PCDHGA6: variants seen among roughly 807,000 people sequenced by gnomAD.
The protein encoded by PCDHGA6 is protocadherin gamma-A6.
PCDHGA6 carries 41 observed loss-of-function variants against 60.6 expected under a neutral mutation model. That is an observed-to-expected ratio of 0.68 (90% CI 0.53 to 0.88). The LOEUF is 0.88. Ranked by LOEUF, PCDHGA6 falls within the 40% of genes least tolerant of loss-of-function variation. The probability of loss-of-function intolerance (pLI) is 0.00; values close to 1 mark genes in which losing one functional copy is unlikely to be tolerated. For synonymous variants in PCDHGA6, 594 were observed against 524.4 expected (o/e 1.13, Z -1.81); for missense variants, 1,312 against 1,203.0 (o/e 1.09, Z -1.34).
Position 141,489,714 on chromosome 5 carries a change from G to C in PCDHGA6, c.2425-5093G>C, listed in dbSNP as rs770143357. On this transcript the variant is annotated intron_variant, in intron 1 of 3. Coordinates refer to ENST00000517434, the MANE Select transcript of PCDHGA6 (RefSeq NM_018919.3). The surrounding 1 kb of genome is among the most constrained non-coding windows in gnomAD (Gnocchi z 4.5). Reference sequence around the variant, plus strand: ...CACGATTCCCACTGGACAGTGCCCAGGATCCGGATGTGGGCACCAATACTG... The same window carrying C: ...CACGATTCCCACTGGACAGTGCCCACGATCCGGATGTGGGCACCAATACTG... 7.4e-6 allele frequency: 12 copies of C among 1,613,958 alleles called. No individual in the cohort carries two copies. The highest frequency in any genetic ancestry group is 1.0e-5 in the Non-Finnish European group (12 of 1,179,930).
At position 141,375,214 on chromosome 5, in the gene PCDHGA6, C is replaced by T. The variant is rs750367246; in HGVS notation, c.1131C>T (p.Gly377=). 2 of 1,613,928 alleles carry T rather than the reference C, an allele frequency of 1.2e-6. No individual in the cohort carries two copies. Among genetic ancestry groups the T allele is most frequent in the Non-Finnish European group, 1.7e-6 (2 of 1,179,892 alleles). Residue 377 remains glycine, a synonymous_variant, in exon 1 of 4, where the codon GGC becomes GGT. Transcript: ENST00000517434. The part of the protein sequence containing the change: ...ALFQVFDRDS[G]LNGLVTCSIP... ...TTCAAGTGTTCGATCGAGACTCTGG[C>T]CTGAATGGCCTGGTAACCTGTTCCA...
At chr5:141,460,177 T>C (rs1021646181) in intron 1 of PCDHGA6, among the ~76,000 whole-genome samples, 13 of 152,138 alleles carry the variant, frequency 8.5e-5, no homozygotes, top group African/African-American at 3.1e-4. Context: ...TTGTGGATAT[T>C]TTATCCCAGA....
intron 1 of PCDHGA6, chr5:141,399,317 C>T (rs368407532): frequency 2.0e-5 from 33 of 1,613,814 alleles, no homozygotes; most frequent in Non-Finnish European, 2.8e-5. Flanking sequence ...TCCAAAAATT[C>T]GTATAAGTTG....
At position 141,409,990 on chromosome 5, in the gene PCDHGA6, C is replaced by G. The variant is rs377295503; in HGVS notation, c.2424+33483C>G. On this transcript the variant is annotated intron_variant, in intron 1 of 3. Transcript: ENST00000517434. The stretch of plus-strand genomic sequence containing the variant: ...TGACTAAGGTGGTAGCGGTGGACGC[C>G]GACTCGGGACACAACGCCTGGCTGT... 2.7e-5 allele frequency: 44 copies of G among 1,613,278 alleles called. No homozygotes were observed. The African/African-American group carries it at 5.3e-4, about 20-fold the overall frequency.
rs371245499 is a variant in PCDHGA6 at position 141,399,811 on chromosome 5, G to T, written c.2424+23304G>T. 1.0e-4 allele frequency: 169 copies of T among 1,613,100 alleles called. No homozygotes were observed. The highest frequency in any genetic ancestry group is 1.4e-4 in the Non-Finnish European group (163 of 1,179,762). ...CAACGCACCGCGGGTGCTGTACCCC[G>T]CGCTGGGTCCCGACGGCTCTGCGCT... On this transcript the variant is annotated intron_variant, in intron 1 of 3. Coordinates refer to ENST00000517434, the MANE Select transcript of PCDHGA6 (RefSeq NM_018919.3).
rs115340023 is a variant in PCDHGA6 at position 141,387,818 on chromosome 5, G to T, written c.2424+11311G>T. 2,906 of 1,551,554 alleles carry T rather than the reference G, an allele frequency of 1.9e-3. 45 individuals carry two copies. The African/African-American group carries it at 0.028, about 15-fold the overall frequency. ...AGTCCGTTCGGAGATCCAAAAATCT[G>T]CAATACAGAGGTTATTTGTAACCCG... On this transcript the variant is annotated intron_variant, in intron 1 of 3. Transcript: ENST00000517434.
chr5:141,466,969 C>T (rs2099133068), intron 1 of PCDHGA6, among the ~76,000 whole-genome samples: 1 of 152,068 alleles, frequency 6.6e-6, no homozygotes, highest in African/African-American at 2.4e-5. Flanking sequence ...TATTTTCTCA[C>T]AGCTCATCAT....
Position 141,476,657 on chromosome 5 carries a change from G to A in PCDHGA6, c.2425-18150G>A, listed in dbSNP as rs759887729. On this transcript the variant is annotated intron_variant, in intron 1 of 3. Coordinates refer to ENST00000517434, the MANE Select transcript of PCDHGA6 (RefSeq NM_018919.3). This position sits in a 1 kb window ranked among gnomAD's most constrained non-coding sequence, Gnocchi z 7.6. ...TGAGCTGAGCCGAAATGAATACTTTGCGCTTCGCGTGCAGACGCGGGAGGA... is the reference window on the plus strand; with the variant it reads ...TGAGCTGAGCCGAAATGAATACTTTACGCTTCGCGTGCAGACGCGGGAGGA... 1.9e-6 allele frequency: 3 copies of A among 1,614,140 alleles called. No homozygotes were observed. Among genetic ancestry groups the A allele is most frequent in the Non-Finnish European group, 2.5e-6 (3 of 1,180,060 alleles).
Position 141,490,705 on chromosome 5 carries a change from C to T in PCDHGA6, c.2425-4102C>T. 1 of 1,614,194 alleles carries T rather than the reference C, an allele frequency of 6.2e-7. No individual in the cohort carries two copies. Among genetic ancestry groups the T allele is most frequent in the South Asian group, 1.1e-5 (1 of 91,082 alleles). On this transcript the variant is annotated intron_variant, in intron 1 of 3. Coordinates refer to ENST00000517434, the MANE Select transcript of PCDHGA6 (RefSeq NM_018919.3). This position sits in a 1 kb window ranked among gnomAD's most constrained non-coding sequence, Gnocchi z 5.4. ...TCCAGACACTGGGGATAATGCCCGC[C>T]TCACCTACTCCATTGTAGGAAATCA...
At chr5:141,394,140 G>T (rs2092926485) in intron 1 of PCDHGA6, 1 of 1,613,868 alleles carries the variant, frequency 6.2e-7, no homozygotes, top group Non-Finnish European at 8.5e-7. Flanking sequence ...TCTGCACGTG[G>T]CAGACATTAA....
chr5:141,374,174 A>T lies in PCDHGA6; in HGVS notation c.91A>T (p.Ile31Phe). ...GTLWGAAAAQ[I>F]RYSIPEELEK... is the part of the protein sequence containing the mutation. ...GCTGTGGGGGGCCGCGGCAGCGCAG[A>T]TCCGCTACTCTATTCCCGAGGAGCT... is the stretch of plus-strand genomic sequence containing the variant. The change falls in exon 1 of 4, where the codon ATC becomes TTC. Residue 31 changes from isoleucine to phenylalanine, a missense_variant. By Grantham distance (21) the Ile-to-Phe change is conservative. Transcript: ENST00000517434. 6.2e-7 allele frequency: 1 copy of T among 1,613,482 alleles called. No individual in the cohort carries two copies. The highest frequency in any genetic ancestry group is 1.1e-5 in the South Asian group (1 of 91,082).
rs1317699369 is a variant in PCDHGA6 at position 141,477,408 on chromosome 5, A to G, written c.2425-17399A>G. The G allele has an allele frequency of 6.2e-7, 1 of 1,614,098 alleles. No homozygotes were observed. ...TACAACCTCAGCATCACCGCCCGAG[A>G]CGCCGGAACCCCTTCCCTCTCAGCC... On this transcript the variant is annotated intron_variant, in intron 1 of 3. Transcript: ENST00000517434. This position sits in a 1 kb window ranked among gnomAD's most constrained non-coding sequence, Gnocchi z 4.9.
chr5:141,400,547 CT>C (rs765907405), intron 1 of PCDHGA6: 1 of 1,613,676 alleles, frequency 6.2e-7, no homozygotes, highest in East Asian at 2.2e-5. Context: ...TATGTCTATT[CT>C]TTTTCATTAC....
intron 1 of PCDHGA6, chr5:141,410,715 G>A: frequency 1.4e-6 from 2 of 1,422,782 alleles, no homozygotes; most frequent in Non-Finnish European, 1.9e-6. Context: ...AGAATCATAT[G>A]TTTAAAATCC....
At chr5:141,509,216 T>C (rs2099875781) in intron 3 of PCDHGA6, among the ~76,000 whole-genome samples, 1 of 152,124 alleles carries the variant, frequency 6.6e-6, no homozygotes, top group South Asian at 2.1e-4. Flanking sequence ...TATTTCTCAA[T>C]CCCTGGTTGA....
intron 1 of PCDHGA6, among the ~76,000 whole-genome samples, chr5:141,452,674 G>A (rs2098746885): frequency 6.6e-6 from 1 of 151,936 alleles, no homozygotes; most frequent in Non-Finnish European, 1.5e-5. Context: ...TCCAGCCTAG[G>A]CCACAGAATG....
chr5:141,403,121 C>A, intron 1 of PCDHGA6: 1 of 1,614,046 alleles, frequency 6.2e-7, no homozygotes, highest in Middle Eastern at 1.6e-4. Context: ...TCTGGAGCCC[C>A]GGGAGCTGGC....
intron 1 of PCDHGA6, chr5:141,413,232 G>A (rs374674787): frequency 1.1e-4 from 170 of 1,613,834 alleles, no homozygotes; most frequent in Non-Finnish European, 1.4e-4. Context: ...GGCTGGTCCT[G>A]CTCTGCCTTT....
chr5:141,505,520 C>T, intron 3 of PCDHGA6, 39 bp downstream of exon 3: 1 of 1,612,650 alleles, frequency 6.2e-7, no homozygotes, highest in Non-Finnish European at 8.5e-7. Flanking sequence ...AGTGGGAGAC[C>T]TGGGGTTCTG....
Sources: allele counts gnomAD v4.1 joint callset (sites outside exome capture counted in the v4.1 genomes callset), GRCh38; gene constraint gnomAD v4.1.1; non-coding constraint Gnocchi (gnomAD v3.1); transcripts MANE v1.5; gene names NCBI Gene and HGNC (gene_info 2026-07-23, HGNC 2026-07-21).